The following TOB2 variants were observed in gnomAD, a reference collection of about 807,000 sequenced individuals.
The protein encoded by TOB2 is protein Tob2.
A neutral mutation model predicts 17.3 loss-of-function variants in TOB2; 3 were observed. That is an observed-to-expected ratio of 0.17 (90% CI 0.08 to 0.45). The LOEUF is 0.45. Among genes scored for constraint, TOB2 ranks in the 20% least tolerant of loss-of-function variants. TOB2 has a pLI of 0.99. For synonymous variants in TOB2, 163 were observed against 185.6 expected (o/e 0.88, Z 0.99); for missense variants, 407 against 445.7 (o/e 0.91, Z 0.78).
At chr22:41,438,337 T>G (rs903592869) in intron 1 of TOB2, among the ~76,000 whole-genome samples, 1 of 151,958 alleles carries the variant, frequency 6.6e-6, no homozygotes, top group African/African-American at 2.4e-5. Flanking sequence ...AGAACTGATT[T>G]AAGAACTCCG....
In TOB2 at chr22:41,436,827, G is replaced by C. The variant is rs746111573; in HGVS notation, c.519C>G (p.Pro173=). ...CGAAGGAGGCGGTGGTGAAGGTGAT[G>C]GGCTGAGCGGAGCGGGGAATGAAGG... The part of the protein sequence containing the change: ...SPTFIPRSAQ[P]ITFTTASFAA... Residue 173 remains proline, a synonymous_variant, in exon 2 of 2, where the codon CCC becomes CCG. Coordinates refer to ENST00000327492, the MANE Select transcript of TOB2 (RefSeq NM_016272.4). The surrounding 1 kb of genome is among the most constrained non-coding windows in gnomAD (Gnocchi z 4.8). 6 of 1,614,072 alleles carry C rather than the reference G, an allele frequency of 3.7e-6. No homozygotes were observed. Among genetic ancestry groups the C allele is most frequent in the Non-Finnish European group, 5.1e-6 (6 of 1,179,948 alleles).
intron 1 of TOB2, 134 bp from the exon 2 acceptor site, chr22:41,437,541 T>A: frequency 1.8e-6 from 2 of 1,089,552 alleles, no homozygotes; most frequent in Non-Finnish European, 2.5e-6. Context: ...GTGGCTCATG[T>A]CTGACTGTGG....
At chr22:41,444,512 G>C (rs1256656124) in intron 1 of TOB2, among the ~76,000 whole-genome samples, 2 of 152,348 alleles carry the variant, frequency 1.3e-5, no homozygotes, top group African/African-American at 2.4e-5. Flanking sequence ...GCGATAGCAG[G>C]AGTGACCTAC....
At chr22:41,441,905 CAA>C (rs775654327) in intron 1 of TOB2, among the ~76,000 whole-genome samples, 11 of 112,708 alleles carry the variant, frequency 9.8e-5, no homozygotes, top group Non-Finnish European at 1.5e-4. Context: ...TGATTTTTCT[CAA>C]AAAAAAAAAA....
chr22:41,444,310 C>G (rs1348641411), intron 1 of TOB2, among the ~76,000 whole-genome samples: 23 of 152,192 alleles, frequency 1.5e-4, no homozygotes, highest in Non-Finnish European at 3.2e-4. Context: ...CATCATCTCC[C>G]CCTAGACACA....
intron 1 of TOB2, among the ~76,000 whole-genome samples, chr22:41,441,921 A>G (rs1305779473): frequency 6.6e-6 from 1 of 150,974 alleles, no homozygotes; most frequent in Admixed American, 6.6e-5. Context: ...AAAAAAAAAG[A>G]AAAGAAAAAA....
rs749494672 is a variant in TOB2, at chr22:41,438,630, C to CAAAAAAAAAAAAAAAAAAAAAA, written c.-62-1245_-62-1224dup. On this transcript the variant is annotated intron_variant, in intron 1 of 1. Coordinates refer to ENST00000327492, the MANE Select transcript of TOB2 (RefSeq NM_016272.4). ...GGGCAACAAGAGCGAAACTCTGTCT[C>CAAAAAAAAAAAAAAAAAAAAAA]AAAAAAAAAAAAAAAAAAAAAAAAA... Among the ~76,000 whole-genome samples the CAAAAAAAAAAAAAAAAAAAAAA allele has an allele frequency of 5.5e-4, 7 of 12,692 alleles. 1 individual carries two copies. The highest frequency in any genetic ancestry group is 2.9e-3 in the Admixed American group (2 of 684). The allele number at this position is 12,692 out of a possible 152,430, so 8.3% of individuals were successfully genotyped here.
At position 41,436,957 on chromosome 22, in the gene TOB2, T is replaced by C; in HGVS notation, c.389A>G (p.Lys130Arg). ...CGAPELDKEI[K>R]SSFNPDAQVF... ...CTGGGCGTCAGGGTTGAAGCTGCTC[T>C]TGATCTCCTTGTCCAGCTCTGGGGC... is the stretch of plus-strand genomic sequence containing the variant. The change falls in exon 2 of 2, where the codon AAG becomes AGG. Residue 130 changes from lysine to arginine, a missense_variant. Lys to Arg is a conservative substitution (Grantham distance 26). Coordinates refer to ENST00000327492, the MANE Select transcript of TOB2 (RefSeq NM_016272.4). The surrounding 1 kb of genome is among the most constrained non-coding windows in gnomAD (Gnocchi z 4.8). 2 of 1,614,216 alleles carry C rather than the reference T, an allele frequency of 1.2e-6. No homozygotes were observed. Among genetic ancestry groups the C allele is most frequent in the African/African-American group, 2.7e-5 (2 of 75,046 alleles).
intron 1 of TOB2, among the ~76,000 whole-genome samples, chr22:41,445,327 A>G (rs1256229218): frequency 6.6e-6 from 1 of 152,042 alleles, no homozygotes; most frequent in Non-Finnish European, 1.5e-5. Context: ...TGGGTGTTAA[A>G]CCTCCTTAAT....
chr22:41,438,369 C>T (rs1054969726), intron 1 of TOB2, among the ~76,000 whole-genome samples: 2 of 152,026 alleles, frequency 1.3e-5, no homozygotes, highest in East Asian at 3.9e-4. Context: ...TGGCTCATGC[C>T]TGTAATCCCA....
In TOB2 at chr22:41,434,204, A is replaced by C; in HGVS notation, c.*2107T>G. ...CCTAGATTTGAGACAAGACAGACTG[A>C]ACTGGGCCCAAGAGCGCAGCACTGG... On this transcript the variant is annotated 3_prime_UTR_variant, in exon 2 of 2. Transcript: ENST00000327492. The C allele has an allele frequency of 6.3e-6, 1 of 158,028 alleles. No homozygotes were observed. Among genetic ancestry groups the C allele is most frequent in the East Asian group, 1.9e-4 (1 of 5,362 alleles). 9.8% of individuals were successfully genotyped at this position (158,028 alleles called of 1,614,324 possible). A position where few individuals can be genotyped will look rare whatever the true frequency, so the allele number is the denominator to read the frequency against.
At chr22:41,444,296 C>A (rs2037655515) in intron 1 of TOB2, among the ~76,000 whole-genome samples, 1 of 152,156 alleles carries the variant, frequency 6.6e-6, no homozygotes, top group Non-Finnish European at 1.5e-5. Flanking sequence ...CGCGCCCAGT[C>A]TCTCATCATC....
At chr22:41,445,887 C>T (rs1393556962) in intron 1 of TOB2, among the ~76,000 whole-genome samples, 1 of 152,194 alleles carries the variant, frequency 6.6e-6, no homozygotes. Flanking sequence ...GGTGTCCACC[C>T]TCCACCCTTC....
At position 41,446,714 on chromosome 22, in the gene TOB2, G is replaced by T. The variant is rs932352513; in HGVS notation, c.-398C>A. 2 of 152,460 alleles carry T rather than the reference G, an allele frequency of 1.3e-5. No individual in the cohort carries two copies. The highest frequency in any genetic ancestry group is 4.8e-5 in the African/African-American group (2 of 41,462). The allele number at this position is 152,460 out of a possible 1,614,324, so 9.4% of individuals were successfully genotyped here. On this transcript the variant is annotated 5_prime_UTR_variant, in exon 1 of 2. Coordinates refer to ENST00000327492, the MANE Select transcript of TOB2 (RefSeq NM_016272.4). ...CGGTATGGGCTGTCGCCGGCAGACG[G>T]TCCTGCCCTCCTGGCCCCGCGTCGC...
intron 1 of TOB2, among the ~76,000 whole-genome samples, chr22:41,444,399 G>A (rs1361953156): frequency 6.6e-6 from 1 of 152,060 alleles, no homozygotes; most frequent in South Asian, 2.1e-4. Context: ...TGTTCCTCAG[G>A]AGCTAGGAAA....
At chr22:41,440,641 A>G (rs1047750549) in intron 1 of TOB2, among the ~76,000 whole-genome samples, 1 of 141,202 alleles carries the variant, frequency 7.1e-6, no homozygotes, top group African/African-American at 2.7e-5. Context: ...ATCTCGACTC[A>G]CTGCAACCTC....
At chr22:41,444,637 T>A (rs375111706) in intron 1 of TOB2, among the ~76,000 whole-genome samples, 2 of 152,252 alleles carry the variant, frequency 1.3e-5, no homozygotes, top group Admixed American at 1.3e-4. Flanking sequence ...AAGTTTCCGA[T>A]GCACATGCGC....
chr22:41,444,389 T>C (rs958781874), intron 1 of TOB2, among the ~76,000 whole-genome samples: 3 of 152,118 alleles, frequency 2.0e-5, no homozygotes, highest in African/African-American at 7.3e-5. Context: ...GGGCACTCCA[T>C]GTTCCTCAGG....
At position 41,436,293 on chromosome 22, in the gene TOB2, C is replaced by CCA; in HGVS notation, c.*16_*17dup. On this transcript the variant is annotated 3_prime_UTR_variant, in exon 2 of 2. Transcript: ENST00000327492. This position sits in a 1 kb window ranked among gnomAD's most constrained non-coding sequence, Gnocchi z 4.8. ...TCTGTGGTCTTGGGTGCTCCTGGCC[C>CCA]CACGGGCAGGTAGATGGTCAGTTGG... is the stretch of plus-strand genomic sequence containing the variant. 4 of 1,536,450 alleles carry CCA rather than the reference C, an allele frequency of 2.6e-6. No homozygotes were observed. The highest frequency in any genetic ancestry group is 3.5e-6 in the Non-Finnish European group (4 of 1,142,094).
Sources: allele counts gnomAD v4.1 joint callset (sites outside exome capture counted in the v4.1 genomes callset), GRCh38; gene constraint gnomAD v4.1.1; non-coding constraint Gnocchi (gnomAD v3.1); transcripts MANE v1.5; gene names NCBI Gene and HGNC (gene_info 2026-07-23, HGNC 2026-07-21).